The following NBEA variants were observed in gnomAD, a reference collection of about 807,000 sequenced individuals.
The protein encoded by NBEA is neurobeachin, also known as lysosomal-trafficking regulator 2.
NBEA carries 44 observed loss-of-function variants against 343.4 expected under a neutral mutation model. The observed-to-expected ratio is 0.13, with a 90% CI of 0.10 to 0.16. The LOEUF is 0.16. Ranked by LOEUF, NBEA falls within the 10% of genes least tolerant of loss-of-function variation. The pLI, the probability that NBEA is intolerant of heterozygous loss-of-function variation, is 1.00. For missense variants in NBEA, 2,555 were observed against 3,631.3 expected, an observed-to-expected ratio of 0.70 and a Z score of 7.62; for synonymous variants, 1,175 against 1,238.7, an observed-to-expected ratio of 0.95 and a Z score of 1.08.
intron 45 of NBEA, among the ~76,000 whole-genome samples, chr13:35,580,643 T>C (rs1270166391): frequency 6.6e-6 from 1 of 152,206 alleles, no homozygotes; most frequent in Non-Finnish European, 1.5e-5. Flanking sequence ...AGCTTTTTGC[T>C]TTCTAATTAT....
At chr13:35,548,656 T>C (rs1244951345) in intron 41 of NBEA, among the ~76,000 whole-genome samples, 1 of 152,192 alleles carries the variant, frequency 6.6e-6, no homozygotes, top group Non-Finnish European at 1.5e-5. Flanking sequence ...AAGATAGATT[T>C]TGTTGTTGTG....
intron 7 of NBEA, 60 bp from the exon 8 acceptor site, chr13:35,058,657 G>C: frequency 7.4e-7 from 1 of 1,352,818 alleles, no homozygotes; most frequent in Non-Finnish European, 1.0e-6. Context: ...GCCGATTTAA[G>C]GATTTAAACC....
At chr13:35,550,341 G>C in intron 41 of NBEA, 136 bp from the exon 42 acceptor site, 1 of 570,168 alleles carries the variant, frequency 1.8e-6, no homozygotes, top group Non-Finnish European at 3.0e-6. Flanking sequence ...CAAATACACA[G>C]TATCAAATTA....
chr13:35,341,029 G>C (rs572220643), intron 36 of NBEA, among the ~76,000 whole-genome samples: 3 of 152,188 alleles, frequency 2.0e-5, no homozygotes, highest in African/African-American at 4.8e-5. Flanking sequence ...TGTGGTGCTA[G>C]TTAAAGATAG....
chr13:35,623,991 A>G (rs578045201), intron 48 of NBEA, among the ~76,000 whole-genome samples: 1 of 152,212 alleles, frequency 6.6e-6, no homozygotes, highest in African/African-American at 2.4e-5. Context: ...CTATAAATAT[A>G]AAAATTCTAA....
chr13:35,505,593 T>C (rs1193260326), intron 41 of NBEA, among the ~76,000 whole-genome samples: 1 of 152,246 alleles, frequency 6.6e-6, no homozygotes, highest in Non-Finnish European at 1.5e-5. Context: ...CCTGAAGCTA[T>C]ATTTTAAATT....
intron 36 of NBEA, among the ~76,000 whole-genome samples, chr13:35,348,315 T>A (rs1402555758): frequency 2.0e-5 from 3 of 152,014 alleles, no homozygotes; most frequent in Middle Eastern, 3.2e-3. Flanking sequence ...TGTTAGGAAG[T>A]GTGGGAAAAG....
intron 36 of NBEA, among the ~76,000 whole-genome samples, chr13:35,317,714 A>G (rs2037839936): frequency 6.6e-6 from 1 of 152,166 alleles, no homozygotes; most frequent in African/African-American, 2.4e-5. Flanking sequence ...CATTTTCACA[A>G]TATTGATTCT....
intron 35 of NBEA, among the ~76,000 whole-genome samples, chr13:35,308,293 A>C (rs2037034409): frequency 6.6e-6 from 1 of 151,086 alleles, no homozygotes; most frequent in Non-Finnish European, 1.5e-5. Context: ...TATTAGAAAA[A>C]TCATAGGGGG....
chr13:35,353,430 G>C (rs1349419429), intron 38 of NBEA, among the ~76,000 whole-genome samples: 1 of 151,004 alleles, frequency 6.6e-6, no homozygotes, highest in African/African-American at 2.5e-5. Context: ...GTGAGACTTT[G>C]TCTCAAAAAA....
intron 38 of NBEA, among the ~76,000 whole-genome samples, chr13:35,398,805 T>C (rs1319491704): frequency 6.6e-6 from 1 of 152,088 alleles, no homozygotes; most frequent in African/African-American, 2.4e-5. Context: ...GAGCTTTGGC[T>C]TCAACTTCAA....
intron 40 of NBEA, among the ~76,000 whole-genome samples, chr13:35,462,898 T>C (rs937801743): frequency 6.6e-6 from 1 of 152,128 alleles, no homozygotes; most frequent in Admixed American, 6.6e-5. Context: ...AGCTATTAAC[T>C]GTGTGTGGGA....
chr13:35,308,896 A>G (rs1241273124), intron 35 of NBEA, among the ~76,000 whole-genome samples: 1 of 151,494 alleles, frequency 6.6e-6, no homozygotes, highest in Non-Finnish European at 1.5e-5. Context: ...AGAACTGCCA[A>G]ATTCACAAAT....
intron 35 of NBEA, among the ~76,000 whole-genome samples, chr13:35,294,557 T>C (rs995393996): frequency 6.6e-6 from 1 of 152,164 alleles, no homozygotes; most frequent in Non-Finnish European, 1.5e-5. Context: ...GATGAAGTTA[T>C]GTCACATTTA....
chr13:35,109,571 G>A (rs1414112980), intron 12 of NBEA, 129 bp downstream of exon 12: 2 of 818,704 alleles, frequency 2.4e-6, no homozygotes, highest in South Asian at 3.4e-5. Flanking sequence ...TGGCAATTGT[G>A]TTAGGCAGTA....
chr13:35,128,927 A>C (rs1021935028), intron 17 of NBEA, among the ~76,000 whole-genome samples: 9 of 152,090 alleles, frequency 5.9e-5, no homozygotes, highest in Non-Finnish European at 1.2e-4. Flanking sequence ...TGGATGAAAA[A>C]TAGAGAGTGA....
chr13:35,438,786 A>G (rs1056025088), intron 39 of NBEA, among the ~76,000 whole-genome samples: 1 of 152,154 alleles, frequency 6.6e-6, no homozygotes, highest in Admixed American at 6.6e-5. Flanking sequence ...TCTTCACCCT[A>G]TGGTTTTTAC....
At chr13:35,275,604 A>C (rs1227706298) in intron 34 of NBEA, among the ~76,000 whole-genome samples, 1 of 152,218 alleles carries the variant, frequency 6.6e-6, no homozygotes, top group Non-Finnish European at 1.5e-5. Flanking sequence ...CAATCTACTC[A>C]TCTGACAAAG....
intron 39 of NBEA, among the ~76,000 whole-genome samples, chr13:35,437,820 A>AAAT: frequency 6.6e-6 from 1 of 152,166 alleles, no homozygotes; most frequent in South Asian, 2.1e-4. Flanking sequence ...TTGAAAAAGG[A>AAAT]GGGTTTTGTA....
Sources: gnomAD v4.1 joint callset for allele counts (sites outside exome capture counted in the v4.1 genomes callset) on GRCh38, gnomAD v4.1.1 for gene constraint, MANE v1.5 for transcripts, NCBI Gene and HGNC (gene_info 2026-07-23, HGNC 2026-07-21) for gene names.